Variants in ADGRL2 observed in about 807,000 individuals in gnomAD.
The protein encoded by ADGRL2 is calcium-independent alpha-latrotoxin receptor 2.
A neutral mutation model predicts 157.4 loss-of-function variants in ADGRL2; 44 were observed. The ratio of observed to expected loss-of-function variants is 0.28; its 90% CI spans 0.22 to 0.36. The LOEUF (loss-of-function observed/expected upper bound fraction) is 0.36. ADGRL2 is among the 10% of genes least tolerant of loss of function. The pLI is 1.00. For missense variants in ADGRL2, 1,510 were observed against 1,768.9 expected (o/e 0.85, Z 2.63); for synonymous variants, 585 against 624.7 (o/e 0.94, Z 0.95).
chr1:81,919,119 G>C (rs548579742), intron 3 of ADGRL2, among the ~76,000 whole-genome samples: 1 of 152,158 alleles, frequency 6.6e-6, no homozygotes, highest in Admixed American at 6.5e-5. Flanking sequence ...TGTATCTTTA[G>C]ATATCTTCTT....
upstream of ADGRL2, among the ~76,000 whole-genome samples, chr1:81,698,535 A>C (rs1445966405): frequency 6.6e-6 from 1 of 152,198 alleles, no homozygotes; most frequent in African/African-American, 2.4e-5. Context: ...ATTTTGTAAG[A>C]AATTTTTGCT....
At chr1:81,646,704 G>A (rs553128272) in intron 3 of ADGRL2, among the ~76,000 whole-genome samples, 3 of 152,188 alleles carry the variant, frequency 2.0e-5, no homozygotes, top group Admixed American at 2.0e-4. Context: ...TCCTTTTTTG[G>A]AATAATAGAG....
chr1:81,417,544 T>C (rs2077053472), intron 1 of ADGRL2, among the ~76,000 whole-genome samples: 1 of 152,194 alleles, frequency 6.6e-6, no homozygotes, highest in Admixed American at 6.5e-5. Flanking sequence ...TATTTCTCTG[T>C]ACAAGTCCTT....
intron 1 of ADGRL2, among the ~76,000 whole-genome samples, chr1:81,340,670 A>C (rs1662006599): frequency 6.6e-6 from 1 of 152,164 alleles, no homozygotes; most frequent in South Asian, 2.1e-4. Context: ...GGACCAAATT[A>C]AATCGATGGT....
intron 1 of ADGRL2, among the ~76,000 whole-genome samples, chr1:81,406,410 A>C (rs1473812546): frequency 6.6e-6 from 1 of 152,182 alleles, no homozygotes; most frequent in East Asian, 1.9e-4. Context: ...TTTTGCTAAA[A>C]CATCTGAAAT....
chr1:81,345,432 C>T (rs1478527575), intron 1 of ADGRL2, among the ~76,000 whole-genome samples: 1 of 152,176 alleles, frequency 6.6e-6, no homozygotes, highest in Non-Finnish European at 1.5e-5. Flanking sequence ...TTTTGATAGC[C>T]ATGCATTCTG....
intron 1 of ADGRL2, among the ~76,000 whole-genome samples, chr1:81,735,872 C>T (rs561484797): frequency 7.7e-4 from 115 of 149,336 alleles, no homozygotes; most frequent in African/African-American, 2.7e-3. Flanking sequence ...CGGCTGGGCG[C>T]GGTGGCTTAC....
At chr1:81,839,955 A>AT (rs1164786609) in intron 2 of ADGRL2, among the ~76,000 whole-genome samples, 1 of 110,062 alleles carries the variant, frequency 9.1e-6, no homozygotes, top group Non-Finnish European at 2.1e-5. Context: ...TATATATATA[A>AT]ATACACACAA....
intron 1 of ADGRL2, among the ~76,000 whole-genome samples, chr1:81,340,333 A>G (rs1661979849): frequency 6.6e-6 from 1 of 152,166 alleles, no homozygotes; most frequent in South Asian, 2.1e-4. Flanking sequence ...TAACCTTATC[A>G]CTAATATCCA....
rs367738900 is a variant in ADGRL2 at position 81,358,175 on chromosome 1, G to T, written c.-302+51666G>T. On this transcript the variant is annotated intron_variant, in intron 1 of 24. Coordinates refer to the ADGRL2 transcript ENST00000370721. ...TAAAAATCACAAAAGCTAATTTGTG[G>T]AAACAAGGTAGATTTTAGACTTTTT... Among the ~76,000 whole-genome samples the T allele has an allele frequency of 1.3e-4, 20 of 152,290 alleles. No homozygotes were observed. In the East Asian group the frequency reaches 2.3e-3, roughly 18 times the overall value.
chr1:81,367,777 C>A (rs1357068636), intron 1 of ADGRL2, among the ~76,000 whole-genome samples: 1 of 152,182 alleles, frequency 6.6e-6, no homozygotes, highest in Non-Finnish European at 1.5e-5. Flanking sequence ...GACTCGAACT[C>A]CTGACCTCAG....
At chr1:81,578,453 G>T (rs906134875) in intron 2 of ADGRL2, among the ~76,000 whole-genome samples, 1 of 152,036 alleles carries the variant, frequency 6.6e-6, no homozygotes, top group Non-Finnish European at 1.5e-5. Flanking sequence ...AACAGAGGGT[G>T]GTTGTAATAC....
chr1:81,507,561 T>C (rs1338760652), intron 2 of ADGRL2, among the ~76,000 whole-genome samples: 1 of 152,186 alleles, frequency 6.6e-6, no homozygotes, highest in African/African-American at 2.4e-5. Context: ...GGTGGCCATT[T>C]ATCTCACTCC....
At chr1:81,639,020 C>G (rs912862462) in intron 3 of ADGRL2, among the ~76,000 whole-genome samples, 1 of 152,048 alleles carries the variant, frequency 6.6e-6, no homozygotes. Context: ...AGAAAAGCAG[C>G]AAGACCCAAG....
chr1:81,907,629 T>C (rs546873623), intron 3 of ADGRL2, among the ~76,000 whole-genome samples: 4 of 152,230 alleles, frequency 2.6e-5, no homozygotes, highest in Admixed American at 2.6e-4. Flanking sequence ...TTAATAAACT[T>C]TGTTTTTTAG....
chr1:81,672,828 A>G (rs2082903204), intron 3 of ADGRL2, among the ~76,000 whole-genome samples: 1 of 152,230 alleles, frequency 6.6e-6, no homozygotes, highest in Non-Finnish European at 1.5e-5. Flanking sequence ...CTTCCCCTTG[A>G]TAATTTATGG....
intron 2 of ADGRL2, among the ~76,000 whole-genome samples, chr1:81,449,813 A>T (rs2077672770): frequency 6.6e-6 from 1 of 151,932 alleles, no homozygotes; most frequent in African/African-American, 2.4e-5. Context: ...CTGGTCTCAA[A>T]CTCCTGGGCT....
chr1:81,561,579 G>A (rs779180452), intron 2 of ADGRL2, among the ~76,000 whole-genome samples: 3 of 150,866 alleles, frequency 2.0e-5, no homozygotes, highest in Non-Finnish European at 4.4e-5. Flanking sequence ...TCCCATCTCA[G>A]CCTCCAGAAT....
intron 1 of ADGRL2, among the ~76,000 whole-genome samples, chr1:81,715,500 C>A: frequency 6.6e-6 from 1 of 152,002 alleles, no homozygotes; most frequent in East Asian, 1.9e-4. Context: ...GCCTTTCAAC[C>A]TTTTAAAATC....
Sources: gnomAD v4.1 joint callset for allele counts (sites outside exome capture counted in the v4.1 genomes callset) on GRCh38, gnomAD v4.1.1 for gene constraint, MANE v1.5 for transcripts, NCBI Gene and HGNC (gene_info 2026-07-23, HGNC 2026-07-21) for gene names.